MACROD2: variants seen among roughly 807,000 people sequenced by gnomAD.
MACROD2 encodes the protein mono-ADP ribosylhydrolase 2.
In MACROD2, 36 loss-of-function variants were observed where a neutral mutation model predicts 70.4. The observed-to-expected ratio is 0.51, with a 90% CI of 0.39 to 0.68. MACROD2 has a LOEUF of 0.68. MACROD2 is among the 30% of genes least tolerant of loss of function. The pLI is 0.00. For missense variants in MACROD2, 496 were observed against 538.4 expected (o/e 0.92, Z 0.78); for synonymous variants, 172 against 178.8 (o/e 0.96, Z 0.30).
chr20:14,478,720 G>T (rs75745828), intron 3 of MACROD2, among the ~76,000 whole-genome samples: 3,903 of 152,166 alleles, frequency 0.026, 82 homozygotes, highest in Non-Finnish European at 0.037. Flanking sequence ...GAGACTCTGG[G>T]TCCTATTTAA....
At chr20:15,139,705 T>G (rs967960335) in intron 5 of MACROD2, among the ~76,000 whole-genome samples, 5 of 152,226 alleles carry the variant, frequency 3.3e-5, no homozygotes, top group African/African-American at 1.2e-4. Context: ...GTGCTGTATG[T>G]TCAGGACCTA....
chr20:14,631,380 T>TG (rs1431971187), intron 4 of MACROD2, among the ~76,000 whole-genome samples: 2 of 152,212 alleles, frequency 1.3e-5, no homozygotes, highest in African/African-American at 4.8e-5. Context: ...TATAAAGCCA[T>TG]ACTCCTGATC....
intron 3 of MACROD2, among the ~76,000 whole-genome samples, chr20:14,362,536 G>A (rs2083231932): frequency 6.6e-6 from 1 of 152,174 alleles, no homozygotes; most frequent in Non-Finnish European, 1.5e-5. Context: ...TTTAAATGAA[G>A]CATTTGTGTA....
chr20:14,076,806 A>G (rs990323269), intron 2 of MACROD2, among the ~76,000 whole-genome samples: 8 of 152,184 alleles, frequency 5.3e-5, no homozygotes, highest in Admixed American at 1.3e-4. Context: ...TAATGTGGGC[A>G]TGTTTTTATT....
intron 15 of MACROD2, among the ~76,000 whole-genome samples, chr20:15,992,307 T>G (rs1383292942): frequency 6.6e-6 from 1 of 152,206 alleles, no homozygotes. Flanking sequence ...CCATTTTTCA[T>G]GTTAGGAGAA....
At chr20:15,804,015 T>G (rs2147076370) in intron 8 of MACROD2, among the ~76,000 whole-genome samples, 1 of 152,350 alleles carries the variant, frequency 6.6e-6, no homozygotes, top group Non-Finnish European at 1.5e-5. Flanking sequence ...TAAGCCTCAT[T>G]TTAGAAGTTT....
At chr20:16,010,536 A>C (rs979593768) in intron 15 of MACROD2, among the ~76,000 whole-genome samples, 1 of 152,210 alleles carries the variant, frequency 6.6e-6, no homozygotes, top group African/African-American at 2.4e-5. Flanking sequence ...AAAAAATAAC[A>C]CTATGATACC....
intron 2 of MACROD2, among the ~76,000 whole-genome samples, chr20:14,061,244 G>C (rs2053687394): frequency 6.6e-6 from 1 of 152,068 alleles, no homozygotes; most frequent in African/African-American, 2.4e-5. Flanking sequence ...GTTGGATGCT[G>C]GAAAATTCTG....
intron 5 of MACROD2, among the ~76,000 whole-genome samples, chr20:14,919,092 A>T (rs1200325671): frequency 6.6e-6 from 1 of 152,204 alleles, no homozygotes; most frequent in Non-Finnish European, 1.5e-5. Flanking sequence ...GAAGACAAGG[A>T]TGTGAAAACT....
intron 5 of MACROD2, among the ~76,000 whole-genome samples, chr20:15,188,748 G>A (rs2076550145): frequency 6.6e-6 from 1 of 152,108 alleles, no homozygotes; most frequent in African/African-American, 2.4e-5. Flanking sequence ...CTGTTCCTAA[G>A]GGAATATGAG....
At chr20:15,936,301 G>GTA (rs931143995) in intron 11 of MACROD2, among the ~76,000 whole-genome samples, 9 of 144,386 alleles carry the variant, frequency 6.2e-5, no homozygotes, top group Non-Finnish European at 1.2e-4. Context: ...ATGTGTGTGT[G>GTA]TATATATATA....
chr20:14,691,387 C>G (rs977689291), intron 5 of MACROD2, among the ~76,000 whole-genome samples: 1 of 152,136 alleles, frequency 6.6e-6, no homozygotes, highest in South Asian at 2.1e-4. Flanking sequence ...AGAACATTAC[C>G]TTGGGAAGAT....
intron 5 of MACROD2, among the ~76,000 whole-genome samples, chr20:15,019,128 T>G (rs2075144134): frequency 6.6e-6 from 1 of 152,198 alleles, no homozygotes; most frequent in African/African-American, 2.4e-5. Flanking sequence ...GGGACTTTTA[T>G]TCCAGTTTTC....
At chr20:14,515,994 T>G (rs967869435) in intron 4 of MACROD2, among the ~76,000 whole-genome samples, 1 of 147,564 alleles carries the variant, frequency 6.8e-6, no homozygotes, top group Non-Finnish European at 1.5e-5. Context: ...ATAATTTATT[T>G]TATATATTAT....
intron 3 of MACROD2, among the ~76,000 whole-genome samples, chr20:14,200,465 G>A (rs2081470153): frequency 6.6e-6 from 1 of 152,078 alleles, no homozygotes; most frequent in South Asian, 2.1e-4. Context: ...GAAATAATCT[G>A]TACAACAAAC....
At chr20:15,733,816 T>TATTTCCTC (rs2050980309) in intron 8 of MACROD2, among the ~76,000 whole-genome samples, 1 of 152,218 alleles carries the variant, frequency 6.6e-6, no homozygotes, top group South Asian at 2.1e-4. Flanking sequence ...ATTTTTGCCT[T>TATTTCCTC]ATTTCCTCAC....
At chr20:15,338,358 T>G (rs2078071619) in intron 6 of MACROD2, among the ~76,000 whole-genome samples, 1 of 151,706 alleles carries the variant, frequency 6.6e-6, no homozygotes, top group African/African-American at 2.4e-5. Flanking sequence ...GCCAATTCTT[T>G]TGAGGCTGGC....
intron 8 of MACROD2, among the ~76,000 whole-genome samples, chr20:15,845,034 A>C (rs2064214881): frequency 6.6e-6 from 1 of 152,174 alleles, no homozygotes; most frequent in Non-Finnish European, 1.5e-5. Context: ...ATCATACTCT[A>C]GTCAGCTAGT....
chr20:15,488,055 C>T (rs1213395214), intron 7 of MACROD2, among the ~76,000 whole-genome samples: 3 of 152,096 alleles, frequency 2.0e-5, no homozygotes, highest in Non-Finnish European at 2.9e-5. Flanking sequence ...GGTGCTGTGT[C>T]CCTGAAAGGG....
Sources: gnomAD v4.1 joint callset for allele counts (sites outside exome capture counted in the v4.1 genomes callset) on GRCh38, gnomAD v4.1.1 for gene constraint, MANE v1.5 for transcripts, NCBI Gene and HGNC (gene_info 2026-07-23, HGNC 2026-07-21) for gene names.